COL23A1: variants seen among roughly 807,000 people sequenced by gnomAD.
COL23A1 encodes the protein collagen alpha-1(XXIII) chain.
A neutral mutation model predicts 99.3 loss-of-function variants in COL23A1; 97 were observed. The observed-to-expected ratio is 0.98, with a 90% CI of 0.83 to 1.16. COL23A1 has a LOEUF of 1.16. COL23A1 is among the 50% of genes most tolerant of loss of function. The probability of loss-of-function intolerance (pLI) is 0.00; values close to 1 mark genes in which losing one functional copy is unlikely to be tolerated. For synonymous variants in COL23A1, 320 were observed against 308.2 expected, an observed-to-expected ratio of 1.04 and a Z score of -0.40; for missense variants, 762 against 757.4, an observed-to-expected ratio of 1.01 and a Z score of -0.07.
At chr5:178,504,197 C>G (rs1021116684) in intron 2 of COL23A1, among the ~76,000 whole-genome samples, 6 of 152,044 alleles carry the variant, frequency 3.9e-5, no homozygotes, top group Non-Finnish European at 8.8e-5. Flanking sequence ...ACAATCGCAC[C>G]CCCGACCCCC....
intron 2 of COL23A1, among the ~76,000 whole-genome samples, chr5:178,432,107 G>A (rs113102189): frequency 3.3e-5 from 5 of 152,334 alleles, no homozygotes; most frequent in African/African-American, 9.6e-5. Context: ...AATCTGGTAC[G>A]TCCCCTGAGT....
intron 2 of COL23A1, among the ~76,000 whole-genome samples, chr5:178,474,403 AG>A (rs1756921545): frequency 6.6e-6 from 1 of 152,244 alleles, no homozygotes; most frequent in Non-Finnish European, 1.5e-5. Flanking sequence ...AAATGGTAAA[AG>A]GTCCTATTCC....
chr5:178,378,905 T>G (rs918705806), intron 2 of COL23A1, among the ~76,000 whole-genome samples: 20 of 152,306 alleles, frequency 1.3e-4, no homozygotes, highest in African/African-American at 4.8e-4. Context: ...ATCCTTCTCT[T>G]ATTTGGAATC....
chr5:178,575,502 A>C (rs1763304437), intron 1 of COL23A1, among the ~76,000 whole-genome samples: 1 of 152,178 alleles, frequency 6.6e-6, no homozygotes, highest in Non-Finnish European at 1.5e-5. Flanking sequence ...GGCCCTCACT[A>C]GGAGCTCCTG....
chr5:178,355,657 C>T (rs967483448), intron 2 of COL23A1, among the ~76,000 whole-genome samples: 10 of 152,194 alleles, frequency 6.6e-5, no homozygotes, highest in Non-Finnish European at 1.3e-4. Flanking sequence ...CTCAGCCTCC[C>T]GAGTAGCTGG....
intron 19 of COL23A1, 42 bp from the exon 20 acceptor site, chr5:178,248,296 C>A (rs770203941): frequency 6.7e-7 from 1 of 1,499,562 alleles, no homozygotes; most frequent in African/African-American, 1.4e-5. Context: ...GTGTCCAGCA[C>A]CTGTATCACC....
rs1157972092 is a variant in COL23A1, at chr5:178,281,072, C to T, written c.441+7252G>A. On this transcript the variant is annotated intron_variant, in intron 5 of 28. Transcript: ENST00000390654. This position sits in a 1 kb window ranked among gnomAD's most constrained non-coding sequence, Gnocchi z 4.0. ...CCCTGGTTGCATCTCCCTGAGGTTC[C>T]AGTCTGCGTGCCATTATCAGGGACT... Among the ~76,000 whole-genome samples, 2 of 152,180 alleles carry T rather than the reference C, an allele frequency of 1.3e-5. No homozygotes were observed. Among genetic ancestry groups the T allele is most frequent in the African/African-American group, 2.4e-5 (1 of 41,430 alleles).
At chr5:178,517,052 G>T (rs1442866787) in intron 2 of COL23A1, among the ~76,000 whole-genome samples, 1 of 152,114 alleles carries the variant, frequency 6.6e-6, no homozygotes, top group Non-Finnish European at 1.5e-5. Context: ...AGGCTGCGGG[G>T]TGCTGCCACA....
At chr5:178,346,369 G>A (rs1760973075) in intron 2 of COL23A1, among the ~76,000 whole-genome samples, 1 of 152,084 alleles carries the variant, frequency 6.6e-6, no homozygotes, top group South Asian at 2.1e-4. Context: ...CAGTAGCTGG[G>A]ATTTCAGGGG....
intron 2 of COL23A1, among the ~76,000 whole-genome samples, chr5:178,385,454 C>T (rs1190897437): frequency 6.6e-6 from 1 of 152,206 alleles, no homozygotes; most frequent in African/African-American, 2.4e-5. Flanking sequence ...TTCTTTGCCC[C>T]TTATTTCTCT....
At chr5:178,520,936 C>T (rs1759906341) in intron 2 of COL23A1, among the ~76,000 whole-genome samples, 1 of 152,194 alleles carries the variant, frequency 6.6e-6, no homozygotes, top group African/African-American at 2.4e-5. Context: ...GGGTTGTATT[C>T]TGACAAATGT....
intron 2 of COL23A1, among the ~76,000 whole-genome samples, chr5:178,460,327 G>A (rs112706286): frequency 6.4e-4 from 98 of 152,124 alleles, no homozygotes; most frequent in African/African-American, 2.3e-3. Context: ...AAAGAAAAAA[G>A]CCCTTGGCAA....
At chr5:178,411,538 CA>C (rs144326789) in intron 2 of COL23A1, among the ~76,000 whole-genome samples, 11,341 of 152,074 alleles carry the variant, frequency 0.075, 564 homozygotes, top group African/African-American at 0.12. Context: ...GTAATCCAGA[CA>C]AAAGGTGTTG....
intron 2 of COL23A1, among the ~76,000 whole-genome samples, chr5:178,514,818 G>T (rs558558217): frequency 1.4e-4 from 21 of 152,294 alleles, no homozygotes; most frequent in Admixed American, 7.8e-4. Context: ...ATTCTTCATA[G>T]GGCCCAAGTT....
chr5:178,497,461 T>A (rs1758254531), intron 2 of COL23A1, among the ~76,000 whole-genome samples: 1 of 152,094 alleles, frequency 6.6e-6, no homozygotes, highest in African/African-American at 2.4e-5. Flanking sequence ...CAAATGATGG[T>A]CAAGCAATGA....
At chr5:178,242,304 TCTC>T (rs1166306752) in intron 26 of COL23A1, 34 bp downstream of exon 26, 2 of 1,605,796 alleles carry the variant, frequency 1.2e-6, no homozygotes, top group Non-Finnish European at 1.7e-6. Flanking sequence ...TCCTTCCCCC[TCTC>T]CTCCTGCCCC....
intron 16 of COL23A1, among the ~76,000 whole-genome samples, chr5:178,254,205 G>A (rs1765184628): frequency 6.6e-6 from 1 of 152,142 alleles, no homozygotes; most frequent in Non-Finnish European, 1.5e-5. Context: ...GCACTCACAG[G>A]GCTTCTCCCA....
chr5:178,297,363 C>G (rs1237716201), intron 3 of COL23A1, among the ~76,000 whole-genome samples: 1 of 152,148 alleles, frequency 6.6e-6, no homozygotes, highest in Non-Finnish European at 1.5e-5. Flanking sequence ...TATACTAAAA[C>G]AATTATTAGC....
chr5:178,588,334 T>C (rs1053067482), intron 1 of COL23A1, among the ~76,000 whole-genome samples: 1 of 152,190 alleles, frequency 6.6e-6, no homozygotes, highest in African/African-American at 2.4e-5. Context: ...ATAGACACAA[T>C]TTGTAGTTCC....
Sources: allele counts gnomAD v4.1 joint callset (sites outside exome capture counted in the v4.1 genomes callset), GRCh38; gene constraint gnomAD v4.1.1; non-coding constraint Gnocchi (gnomAD v3.1); transcripts MANE v1.5; gene names NCBI Gene and HGNC (gene_info 2026-07-23, HGNC 2026-07-21).